Variants in POLD3 observed in about 807,000 individuals in gnomAD.
POLD3 encodes the protein DNA polymerase delta subunit 3.
A neutral mutation model predicts 58.2 loss-of-function variants in POLD3; 19 were observed. The ratio of observed to expected loss-of-function variants is 0.33; its 90% confidence interval spans 0.23 to 0.48. The LOEUF (loss-of-function observed/expected upper bound fraction) is 0.48, where lower values mean the gene tolerates loss of function less well. Ranked by LOEUF, POLD3 falls within the 20% of genes least tolerant of loss-of-function variation. The pLI, the probability that POLD3 is intolerant of heterozygous loss-of-function variation, is 0.99. For synonymous variants in POLD3, 172 were observed against 193.5 expected, an observed-to-expected ratio of 0.89 and a Z score of 0.92; for missense variants, 504 against 545.5, an observed-to-expected ratio of 0.92 and a Z score of 0.76.
chr11:74,594,190 T>A, intron 2 of POLD3, 74 bp downstream of exon 2: 1 of 873,104 alleles, frequency 1.1e-6, no homozygotes, highest in Non-Finnish European at 2.0e-6. Flanking sequence ...CTTTTAACTC[T>A]ACAGATAGCC....
intron 2 of POLD3, among the ~76,000 whole-genome samples, chr11:74,599,280 C>T (rs1313477673): frequency 6.6e-6 from 1 of 152,008 alleles, no homozygotes; most frequent in Non-Finnish European, 1.5e-5. Flanking sequence ...AGTCCTCCTG[C>T]CTCAGCCTCC....
intron 3 of POLD3, among the ~76,000 whole-genome samples, chr11:74,610,362 C>T (rs924431561): frequency 6.6e-6 from 1 of 152,090 alleles, no homozygotes; most frequent in Non-Finnish European, 1.5e-5. Flanking sequence ...AGGCATGCAC[C>T]ACCATGCCCA....
At chr11:74,624,603 A>C (rs1366745650) in intron 7 of POLD3, among the ~76,000 whole-genome samples, 2 of 152,206 alleles carry the variant, frequency 1.3e-5, no homozygotes, top group African/African-American at 2.4e-5. Context: ...ACTTGTGAAA[A>C]GCTATCACTA....
intron 4 of POLD3, among the ~76,000 whole-genome samples, chr11:74,656,744 GTTT>G (rs60280704): frequency 1.1e-3 from 157 of 147,296 alleles, no homozygotes; most frequent in Middle Eastern, 3.4e-3. Context: ...ATATTTCAGG[GTTT>G]TTTTTTTTTT....
At chr11:74,654,372 A>C (rs978115635) in intron 4 of POLD3, among the ~76,000 whole-genome samples, 1 of 152,224 alleles carries the variant, frequency 6.6e-6, no homozygotes, top group Non-Finnish European at 1.5e-5. Context: ...AGAGTTAATC[A>C]AGAAGATATA....
chr11:74,621,787 C>G (rs868554795), intron 7 of POLD3, among the ~76,000 whole-genome samples: 1 of 152,110 alleles, frequency 6.6e-6, no homozygotes, highest in Non-Finnish European at 1.5e-5. Context: ...GAGACCGAGG[C>G]AGGAGATTTG....
At chr11:74,604,817 T>TTCCGTAAGTTCTCA in intron 3 of POLD3, 23 bp downstream of exon 3, 2 of 1,181,300 alleles carry the variant, frequency 1.7e-6, no homozygotes, top group Non-Finnish European at 2.5e-6. Context: ...AGCCTTGTAA[T>TTCCGTAAGTTCTCA]GAGCTTAAAT....
At chr11:74,604,143 T>C (rs2031594848) in intron 2 of POLD3, among the ~76,000 whole-genome samples, 1 of 152,216 alleles carries the variant, frequency 6.6e-6, no homozygotes, top group Non-Finnish European at 1.5e-5. Flanking sequence ...CTTAATGTTT[T>C]GGAGTAATTC....
At chr11:74,621,849 TTTTA>T (rs60400893) in intron 7 of POLD3, among the ~76,000 whole-genome samples, 4 of 149,392 alleles carry the variant, frequency 2.7e-5, no homozygotes, top group Non-Finnish European at 4.5e-5. Flanking sequence ...CCTCATTTCT[TTTTA>T]TTTATTTATT....
At chr11:74,660,554 ATGT>A (rs1489293434) in intron 4 of POLD3, among the ~76,000 whole-genome samples, 1 of 151,976 alleles carries the variant, frequency 6.6e-6, no homozygotes, top group Non-Finnish European at 1.5e-5. Context: ...CCCAAATCTC[ATGT>A]TGAATTGTAC....
chr11:74,653,551 C>T (rs1348779448), intron 4 of POLD3, among the ~76,000 whole-genome samples: 2 of 152,026 alleles, frequency 1.3e-5, no homozygotes, highest in Non-Finnish European at 2.9e-5. Context: ...CAATGTATAA[C>T]TCCAAAGTAT....
At chr11:74,653,404 T>C (rs560196154) in intron 4 of POLD3, among the ~76,000 whole-genome samples, 1 of 151,980 alleles carries the variant, frequency 6.6e-6, no homozygotes, top group African/African-American at 2.4e-5. Context: ...GGAGGGAGTA[T>C]GGAAGTATAG....
chr11:74,602,902 A>G (rs979610450), intron 2 of POLD3, among the ~76,000 whole-genome samples: 1 of 152,172 alleles, frequency 6.6e-6, no homozygotes, highest in African/African-American at 2.4e-5. Context: ...ATTGTTTCCC[A>G]AGATATCCAC....
chr11:74,611,758 CTT>C (rs2031920401), intron 4 of POLD3, among the ~76,000 whole-genome samples: 1 of 152,182 alleles, frequency 6.6e-6, no homozygotes, highest in East Asian at 1.9e-4. Context: ...TTATAAAGCA[CTT>C]TTATCACAGA....
chr11:74,657,596 T>A (rs1034015305), intron 4 of POLD3, among the ~76,000 whole-genome samples: 1 of 152,194 alleles, frequency 6.6e-6, no homozygotes, highest in Non-Finnish European at 1.5e-5. Context: ...ATTTATACCT[T>A]ATTGTACTGT....
At position 74,618,543 on chromosome 11, in the gene POLD3, T is replaced by C. The variant is rs751146831; in HGVS notation, c.399T>C (p.Ser133=). The change falls in exon 6 of 12, where the codon AGT becomes AGC. Residue 133 remains serine, a synonymous_variant. Transcript: ENST00000263681. ...GTAACATTTCTGTCCCCAGATTTAGTGCTATACAATGTGCAGCTGCCGTCC... is the reference window on the plus strand; with the variant it reads ...GTAACATTTCTGTCCCCAGATTTAGCGCTATACAATGTGCAGCTGCCGTCC... ...KSNLQNCSKF[S]AIQCAAAVPR... is the part of the protein sequence containing the mutation. 3.7e-6 allele frequency: 6 copies of C among 1,611,850 alleles called. No individual in the cohort carries two copies. In the Admixed American group the frequency reaches 6.7e-5, roughly 18 times the overall value.
At chr11:74,639,109 C>T (rs1403629499) in intron 11 of POLD3, among the ~76,000 whole-genome samples, 2 of 152,158 alleles carry the variant, frequency 1.3e-5, no homozygotes, top group African/African-American at 4.8e-5. Flanking sequence ...CATTAATTCC[C>T]AGAGTGTGGT....
chr11:74,656,699 T>C (rs559119559), intron 4 of POLD3, among the ~76,000 whole-genome samples: 1 of 152,116 alleles, frequency 6.6e-6, no homozygotes, highest in East Asian at 1.9e-4. Context: ...TGATTTCTAG[T>C]TTTATTCCAT....
intron 8 of POLD3, 92 bp from the exon 9 acceptor site, chr11:74,629,125 C>T (rs915880993): frequency 1.4e-6 from 1 of 727,390 alleles, no homozygotes; most frequent in African/African-American, 1.9e-5. Flanking sequence ...GGAATTAAGA[C>T]CACGAGTTAT....
Sources: allele counts gnomAD v4.1 joint callset (sites outside exome capture counted in the v4.1 genomes callset), GRCh38; gene constraint gnomAD v4.1.1; transcripts MANE v1.5; gene names NCBI Gene and HGNC (gene_info 2026-07-23, HGNC 2026-07-21).